Variants in NELL1 observed in about 807,000 individuals in gnomAD.
NELL1 encodes protein kinase C-binding protein NELL1.
In NELL1, 76 loss-of-function variants were observed where a neutral mutation model predicts 107.4. The observed-to-expected ratio is 0.71, with a 90% confidence interval of 0.59 to 0.86. The LOEUF is 0.86. Ranked by LOEUF, NELL1 falls within the 40% of genes least tolerant of loss-of-function variation. The pLI is 0.00. For missense variants in NELL1, 1,024 were observed against 1,005.5 expected (o/e 1.02, Z -0.25); for synonymous variants, 353 against 341.2 (o/e 1.03, Z -0.38).
At chr11:21,469,937 A>G (rs771693651) in intron 15 of NELL1, among the ~76,000 whole-genome samples, 4 of 151,642 alleles carry the variant, frequency 2.6e-5, no homozygotes, top group Non-Finnish European at 5.9e-5. Flanking sequence ...GGACACACCA[A>G]ATGCAAATGT....
chr11:21,419,725 G>A (rs12802424), intron 15 of NELL1, among the ~76,000 whole-genome samples: 9,891 of 152,114 alleles, frequency 0.065, 430 homozygotes, highest in Non-Finnish European at 0.1. Flanking sequence ...TGAAGAGAAA[G>A]GTGCAATATT....
intron 14 of NELL1, among the ~76,000 whole-genome samples, chr11:21,320,605 G>C (rs1193711764): frequency 6.6e-6 from 1 of 152,146 alleles, no homozygotes; most frequent in Non-Finnish European, 1.5e-5. Context: ...AAAGTGGTTG[G>C]CTGGAATTGC....
At chr11:20,738,834 T>C (rs553643150) in intron 2 of NELL1, among the ~76,000 whole-genome samples, 26 of 152,218 alleles carry the variant, frequency 1.7e-4, no homozygotes, top group Non-Finnish European at 2.5e-4. Context: ...GAGATGGCAG[T>C]GTACTTGGTC....
At chr11:21,056,676 CCATTA>C (rs1853622920) in intron 12 of NELL1, among the ~76,000 whole-genome samples, 1 of 152,100 alleles carries the variant, frequency 6.6e-6, no homozygotes, top group Non-Finnish European at 1.5e-5. Context: ...GCTCTTTTCT[CCATTA>C]CATTACATTT....
chr11:21,447,954 T>C (rs568969353), intron 15 of NELL1, among the ~76,000 whole-genome samples: 1 of 152,280 alleles, frequency 6.6e-6, no homozygotes, highest in African/African-American at 2.4e-5. Flanking sequence ...TAAATGCTCT[T>C]TCCATGGGTG....
At chr11:21,123,743 T>G (rs1855425205) in intron 13 of NELL1, among the ~76,000 whole-genome samples, 9 of 152,158 alleles carry the variant, frequency 5.9e-5, no homozygotes, top group Admixed American at 5.9e-4. Flanking sequence ...TAAGAAGACT[T>G]TCATTGTGGC....
chr11:21,268,297 C>G (rs1171108766), intron 14 of NELL1, among the ~76,000 whole-genome samples: 4 of 152,102 alleles, frequency 2.6e-5, no homozygotes, highest in African/African-American at 7.2e-5. Flanking sequence ...GGAGCTTGAC[C>G]AGCTTCTAAG....
chr11:20,805,776 A>G (rs949024877), intron 3 of NELL1, among the ~76,000 whole-genome samples: 3 of 152,256 alleles, frequency 2.0e-5, no homozygotes, highest in African/African-American at 7.2e-5. Context: ...TGCTGGGATT[A>G]CAGGCGTGAG....
chr11:21,329,314 C>T (rs1412031899), intron 14 of NELL1, among the ~76,000 whole-genome samples: 2 of 152,088 alleles, frequency 1.3e-5, no homozygotes, highest in African/African-American at 4.8e-5. Context: ...TTTCTCCTTG[C>T]TGCTGCCATG....
intron 13 of NELL1, among the ~76,000 whole-genome samples, chr11:21,214,252 A>G: frequency 6.6e-6 from 1 of 152,208 alleles, no homozygotes; most frequent in East Asian, 1.9e-4. Context: ...CAATCGTGTC[A>G]GCACTCAAAA....
At chr11:21,170,083 C>A in intron 13 of NELL1, 1 of 1,019,696 alleles carries the variant, frequency 9.8e-7, no homozygotes, top group Non-Finnish European at 1.5e-6. Flanking sequence ...AGTCCAAGTT[C>A]TTTGAACAAA....
At chr11:21,098,828 G>T (rs995821800) in intron 12 of NELL1, among the ~76,000 whole-genome samples, 1 of 151,814 alleles carries the variant, frequency 6.6e-6, no homozygotes, top group Non-Finnish European at 1.5e-5. Context: ...CTCTCTGTCT[G>T]CCTCTCGTGT....
At chr11:21,292,568 G>T (rs1053776853) in intron 14 of NELL1, among the ~76,000 whole-genome samples, 1 of 151,968 alleles carries the variant, frequency 6.6e-6, no homozygotes, top group Non-Finnish European at 1.5e-5. Flanking sequence ...CACAGAGTTA[G>T]AAAAAAACAA....
At chr11:21,388,521 T>C (rs2133779071) in intron 15 of NELL1, among the ~76,000 whole-genome samples, 1 of 151,906 alleles carries the variant, frequency 6.6e-6, no homozygotes, top group East Asian at 1.9e-4. Flanking sequence ...TTCAAAGACA[T>C]TTTCTCTTTG....
At chr11:20,753,201 C>A (rs1323756380) in intron 2 of NELL1, among the ~76,000 whole-genome samples, 1 of 152,202 alleles carries the variant, frequency 6.6e-6, no homozygotes, top group African/African-American at 2.4e-5. Flanking sequence ...ATGCTATAAT[C>A]TTAGAAAAAT....
Position 21,326,240 on chromosome 11 carries a change from A to G in NELL1, c.1550-44613A>G, listed in dbSNP as rs560035774. ...TGCCTTCTTTTTGGATGAACAGAAT[A>G]GTTTTTACTATTCCACTTTATCTAC... On this transcript the variant is annotated intron_variant, in intron 14 of 19. Transcript: ENST00000357134. Among the ~76,000 whole-genome samples, 3 of 149,954 alleles carry G rather than the reference A, an allele frequency of 2.0e-5. No homozygotes were observed. In the East Asian group the frequency reaches 5.9e-4, roughly 30 times the overall value.
At chr11:21,510,677 A>C (rs1380808553) in intron 15 of NELL1, among the ~76,000 whole-genome samples, 1 of 152,078 alleles carries the variant, frequency 6.6e-6, no homozygotes, top group Admixed American at 6.6e-5. Flanking sequence ...CTTTTTTCCC[A>C]GATTGAGGTT....
intron 12 of NELL1, among the ~76,000 whole-genome samples, chr11:21,084,044 A>G (rs1229796010): frequency 6.6e-6 from 1 of 152,156 alleles, no homozygotes; most frequent in Non-Finnish European, 1.5e-5. Context: ...GCTCTTGTGG[A>G]TGACTACAGT....
chr11:20,922,632 G>T (rs2134165311), intron 7 of NELL1, among the ~76,000 whole-genome samples: 1 of 152,162 alleles, frequency 6.6e-6, no homozygotes, highest in Middle Eastern at 3.4e-3. Flanking sequence ...AATAGGGCTG[G>T]AGGTAATTTT....
Sources: allele counts gnomAD v4.1 joint callset (sites outside exome capture counted in the v4.1 genomes callset), GRCh38; gene constraint gnomAD v4.1.1; transcripts MANE v1.5; gene names NCBI Gene and HGNC (gene_info 2026-07-23, HGNC 2026-07-21).